HDAC9: variants seen among roughly 807,000 people sequenced by gnomAD.
The protein encoded by HDAC9 is MEF-2 interacting transcription repressor (MITR) protein.
Under a neutral mutation model 139.4 loss-of-function variants are expected in HDAC9, and 41 were observed. That is an observed-to-expected ratio of 0.29 (90% CI 0.23 to 0.38). The LOEUF is 0.38. HDAC9 is among the 10% of genes least tolerant of loss of function. HDAC9 has a pLI of 1.00. For missense variants in HDAC9, 1,147 were observed against 1,297.0 expected (o/e 0.88, Z 1.78); for synonymous variants, 517 against 476.2 (o/e 1.09, Z -1.12).
intron 2 of HDAC9, among the ~76,000 whole-genome samples, chr7:18,248,005 A>C (rs1185321727): frequency 6.6e-6 from 1 of 152,194 alleles, no homozygotes; most frequent in Non-Finnish European, 1.5e-5. Context: ...GAATATCTGA[A>C]TAGCTTTTCC....
chr7:18,393,158 A>T (rs996644349), intron 1 of HDAC9, among the ~76,000 whole-genome samples: 2 of 152,058 alleles, frequency 1.3e-5, no homozygotes, highest in Non-Finnish European at 2.9e-5. Flanking sequence ...AAATTGGCTC[A>T]AGATGAAATA....
chr7:18,614,510 T>C (rs1281350342), intron 6 of HDAC9, among the ~76,000 whole-genome samples: 1 of 152,182 alleles, frequency 6.6e-6, no homozygotes, highest in Admixed American at 6.6e-5. Flanking sequence ...TATTTTTTTT[T>C]CTTCCATAAT....
At chr7:18,929,759 G>A (rs1193841053) in intron 22 of HDAC9, among the ~76,000 whole-genome samples, 1 of 152,036 alleles carries the variant, frequency 6.6e-6, no homozygotes, top group African/African-American at 2.4e-5. Context: ...AACCAACATG[G>A]TGAAACCGCG....
intron 24 of HDAC9, among the ~76,000 whole-genome samples, chr7:18,968,206 A>C (rs1277026877): frequency 6.6e-6 from 1 of 152,196 alleles, no homozygotes; most frequent in Non-Finnish European, 1.5e-5. Flanking sequence ...GACAGTTCAA[A>C]ATTTCTCTCT....
At chr7:18,763,822 C>A (rs1789596750) in intron 15 of HDAC9, among the ~76,000 whole-genome samples, 2 of 152,030 alleles carry the variant, frequency 1.3e-5, no homozygotes, top group Non-Finnish European at 1.5e-5. Context: ...AACCTCCCCC[C>A]ACTTTTTAAA....
rs116498913 is a variant in HDAC9, at chr7:18,602,928, A to G, written c.664+8899A>G. Among the ~76,000 whole-genome samples the G allele has an allele frequency of 7.5e-3, 1,137 of 152,068 alleles. 8 individuals carry two copies. The highest frequency in any genetic ancestry group is 0.026 in the African/African-American group (1,074 of 41,510). ...GTCTCCAACCGTAATAGGTTTGTCT[A>G]TTTGTCCTTCCAGTTCTAACAGGTT... On this transcript the variant is annotated intron_variant, in intron 6 of 25. Transcript: ENST00000686413.
At chr7:18,300,172 T>C (rs1348015866) in intron 1 of HDAC9, among the ~76,000 whole-genome samples, 1 of 152,082 alleles carries the variant, frequency 6.6e-6, no homozygotes, top group Non-Finnish European at 1.5e-5. Context: ...TCCTAAAACA[T>C]TATGAGATTT....
chr7:18,255,195 T>A (rs958967253), intron 2 of HDAC9, among the ~76,000 whole-genome samples: 53 of 152,154 alleles, frequency 3.5e-4, no homozygotes, highest in Admixed American at 1.2e-3. Context: ...AAAGCAGCCA[T>A]AACTTCCAGC....
At chr7:18,731,411 A>T (rs1471616558) in intron 13 of HDAC9, among the ~76,000 whole-genome samples, 1 of 152,172 alleles carries the variant, frequency 6.6e-6, no homozygotes, top group Non-Finnish European at 1.5e-5. Flanking sequence ...TTAACACAAA[A>T]GTCACATAAT....
intron 22 of HDAC9, among the ~76,000 whole-genome samples, chr7:18,903,716 A>G (rs950266534): frequency 2.6e-5 from 4 of 152,146 alleles, no homozygotes; most frequent in Non-Finnish European, 4.4e-5. Flanking sequence ...CCTACATCCT[A>G]AAGTAAGCCC....
At chr7:18,918,170 GA>G (rs1237414194) in intron 22 of HDAC9, among the ~76,000 whole-genome samples, 1 of 152,030 alleles carries the variant, frequency 6.6e-6, no homozygotes, top group African/African-American at 2.4e-5. Flanking sequence ...GGAAGAAAAG[GA>G]GATTTCAGTC....
chr7:18,871,506 T>A (rs1798913039), intron 21 of HDAC9, among the ~76,000 whole-genome samples: 1 of 152,208 alleles, frequency 6.6e-6, no homozygotes, highest in Non-Finnish European at 1.5e-5. Flanking sequence ...ATCTATTATA[T>A]ATTAAGAACC....
At chr7:18,336,187 A>G (rs1781570098) in intron 1 of HDAC9, among the ~76,000 whole-genome samples, 1 of 151,630 alleles carries the variant, frequency 6.6e-6, no homozygotes, top group African/African-American at 2.4e-5. Context: ...AGAAATTAAT[A>G]GCACATAGCA....
intron 2 of HDAC9, among the ~76,000 whole-genome samples, chr7:18,190,637 T>G (rs1268175169): frequency 1.3e-5 from 2 of 152,214 alleles, no homozygotes; most frequent in African/African-American, 4.8e-5. Flanking sequence ...GGAAAACGTT[T>G]CTCTAAAACT....
At chr7:18,467,097 G>C (rs1266362934) in intron 1 of HDAC9, among the ~76,000 whole-genome samples, 1 of 152,114 alleles carries the variant, frequency 6.6e-6, no homozygotes, top group African/African-American at 2.4e-5. Flanking sequence ...TGGCATTCCT[G>C]TTTGGATGTT....
intron 1 of HDAC9, among the ~76,000 whole-genome samples, chr7:18,360,375 G>A (rs938965588): frequency 3.9e-5 from 6 of 152,036 alleles, no homozygotes. Flanking sequence ...ATATTTTTCA[G>A]TATCTTCTCC....
At chr7:18,835,646 A>G (rs572121888) in intron 20 of HDAC9, 60 bp downstream of exon 20, 1 of 1,586,074 alleles carries the variant, frequency 6.3e-7, no homozygotes, top group East Asian at 2.2e-5. Flanking sequence ...ATTGCATTGC[A>G]TGATTACCCC....
At position 18,719,331 on chromosome 7, in the gene HDAC9, C is replaced by CTTTTTTTTTTTTTTTTTTTTT. The variant is rs757689693; in HGVS notation, c.1732-8243_1732-8223dup. 5.7e-4 allele frequency among the ~76,000 whole-genome samples: 42 copies of CTTTTTTTTTTTTTTTTTTTTT among 73,906 alleles called. 1 individual carries two copies. Among genetic ancestry groups the CTTTTTTTTTTTTTTTTTTTTT allele is most frequent in the African/African-American group, 1.1e-3 (16 of 15,204 alleles). 48.5% of individuals were successfully genotyped at this position (73,906 alleles called of 152,430 possible). A position where few individuals can be genotyped will look rare whatever the true frequency, so the allele number is the denominator to read the frequency against. On this transcript the variant is annotated intron_variant, in intron 12 of 25. Coordinates refer to ENST00000686413, the MANE Select transcript of HDAC9 (RefSeq NM_178425.4). ...CTAATTAACCTATTTTTTTCTCTTC[C>CTTTTTTTTTTTTTTTTTTTTT]TTTTTTTTTTTTTTTTTTTTTTTTT...
intron 1 of HDAC9, among the ~76,000 whole-genome samples, chr7:18,428,012 C>T (rs1286653333): frequency 6.6e-6 from 1 of 152,154 alleles, no homozygotes; most frequent in Non-Finnish European, 1.5e-5. Context: ...TAGTTTATTT[C>T]ACTTAGCATA....
Sources: allele counts gnomAD v4.1 joint callset (sites outside exome capture counted in the v4.1 genomes callset), GRCh38; gene constraint gnomAD v4.1.1; transcripts MANE v1.5; gene names NCBI Gene and HGNC (gene_info 2026-07-23, HGNC 2026-07-21).